The following MINDY3 variants were observed in gnomAD, a reference collection of about 807,000 sequenced individuals.
The protein encoded by MINDY3 is MINDY lysine 48 deubiquitinase 3.
A neutral mutation model predicts 69.2 loss-of-function variants in MINDY3; 38 were observed. That is an observed-to-expected ratio of 0.55 (90% CI 0.42 to 0.72). MINDY3 has a LOEUF of 0.72. Ranked by LOEUF, MINDY3 falls within the 30% of genes least tolerant of loss-of-function variation. MINDY3 has a pLI of 0.00. For synonymous variants in MINDY3, 192 were observed against 180.1 expected, an observed-to-expected ratio of 1.07 and a Z score of -0.53; for missense variants, 522 against 519.0, an observed-to-expected ratio of 1.01 and a Z score of -0.06.
At chr10:15,793,595 C>T (rs1837581930) in intron 11 of MINDY3, among the ~76,000 whole-genome samples, 1 of 151,978 alleles carries the variant, frequency 6.6e-6, no homozygotes, top group Admixed American at 6.6e-5. Context: ...CTTTTTATGA[C>T]TTTAGCCTTT....
intron 10 of MINDY3, among the ~76,000 whole-genome samples, chr10:15,796,970 T>G (rs183152676): frequency 6.6e-6 from 1 of 152,114 alleles, no homozygotes; most frequent in African/African-American, 2.4e-5. Flanking sequence ...TTGCCTATAA[T>G]GGTGTTTACT....
At chr10:15,798,861 ATC>A (rs1301363976) in intron 10 of MINDY3, among the ~76,000 whole-genome samples, 14 of 152,236 alleles carry the variant, frequency 9.2e-5, no homozygotes, top group African/African-American at 2.6e-4. Flanking sequence ...TATACCACAC[ATC>A]TCTTTCTTGC....
At chr10:15,812,104 G>A (rs1046825399) in intron 10 of MINDY3, among the ~76,000 whole-genome samples, 1 of 151,910 alleles carries the variant, frequency 6.6e-6, no homozygotes, top group African/African-American at 2.4e-5. Flanking sequence ...ACCACGCCTG[G>A]GTAATTTTTG....
chr10:15,834,535 T>C lies in MINDY3; in HGVS notation c.650+8A>G. On this transcript the variant is annotated splice_region_variant and intron_variant, in intron 7 of 14. Transcript: ENST00000277632. ...CACATGAGGAGACAAGAGATTTTAG[T>C]TAATTACCTGCCATGTCCATATACA... The C allele has an allele frequency of 6.3e-7, 1 of 1,599,402 alleles. No individual in the cohort carries two copies.
intron 10 of MINDY3, among the ~76,000 whole-genome samples, chr10:15,803,525 G>A (rs1408918443): frequency 2.0e-5 from 3 of 152,076 alleles, no homozygotes; most frequent in Non-Finnish European, 2.9e-5. Context: ...TTATAAATGT[G>A]AAGAGGAGGA....
At chr10:15,785,452 T>C (rs982203115) in intron 13 of MINDY3, among the ~76,000 whole-genome samples, 1 of 152,192 alleles carries the variant, frequency 6.6e-6, no homozygotes, top group Non-Finnish European at 1.5e-5. Context: ...AGAATCAACA[T>C]TTCTATCAAA....
chr10:15,854,824 A>G (rs1017049138), intron 1 of MINDY3, among the ~76,000 whole-genome samples: 1 of 152,038 alleles, frequency 6.6e-6, no homozygotes, highest in African/African-American at 2.4e-5. Flanking sequence ...GAGAAGATAC[A>G]TGTAACAAAT....
chr10:15,781,817 T>A (rs1836554005), intron 14 of MINDY3, among the ~76,000 whole-genome samples: 1 of 152,226 alleles, frequency 6.6e-6, no homozygotes. Context: ...GTCTCACTGT[T>A]ACCTCTTTCT....
chr10:15,827,049 A>G (rs1057100675), intron 8 of MINDY3, among the ~76,000 whole-genome samples: 3 of 151,870 alleles, frequency 2.0e-5, no homozygotes, highest in African/African-American at 7.3e-5. Context: ...GAGCCCATTT[A>G]GAGGCTGCAG....
chr10:15,779,111 T>C lies in MINDY3; in HGVS notation c.1219A>G (p.Met407Val). The part of the protein sequence containing the change: ...VMYVEGTAVV[M>V]GFEDPMLQTD... ...TGTAGCATGGGATCTTCAAAACCCA[T>C]CACAACTGCAGTCCCTTCTACGTAC... Residue 407 changes from methionine (M) to valine (V), a missense_variant, in exon 15 of 15, where the codon ATG (methionine) becomes GTG (valine). Met to Val is a conservative substitution (Grantham distance 21). Transcript: ENST00000277632. The C allele has an allele frequency of 1.2e-6, 2 of 1,613,576 alleles. No individual in the cohort carries two copies. The highest frequency in any genetic ancestry group is 1.1e-5 in the South Asian group (1 of 91,054).
At chr10:15,858,508 C>A (rs548706401) in intron 1 of MINDY3, among the ~76,000 whole-genome samples, 2 of 152,262 alleles carry the variant, frequency 1.3e-5, no homozygotes, top group South Asian at 4.1e-4. Flanking sequence ...GTTCACTATA[C>A]GTCAGATAGT....
chr10:15,834,174 G>A (rs1006386979), intron 7 of MINDY3, among the ~76,000 whole-genome samples: 1 of 151,840 alleles, frequency 6.6e-6, no homozygotes, highest in African/African-American at 2.4e-5. Flanking sequence ...CTTGAGGAGG[G>A]TGGTCCGAGA....
intron 13 of MINDY3, among the ~76,000 whole-genome samples, chr10:15,783,788 T>C (rs548420525): frequency 1.3e-5 from 2 of 152,300 alleles, no homozygotes; most frequent in African/African-American, 2.4e-5. Flanking sequence ...ACAGGAGTCA[T>C]TGCAATTAGT....
intron 12 of MINDY3, among the ~76,000 whole-genome samples, chr10:15,787,775 G>T (rs1475839994): frequency 6.6e-6 from 1 of 152,116 alleles, no homozygotes; most frequent in Non-Finnish European, 1.5e-5. Flanking sequence ...CTGTACAAAG[G>T]ATATGGCATT....
chr10:15,803,846 A>C (rs934088982), intron 10 of MINDY3, among the ~76,000 whole-genome samples: 1 of 151,986 alleles, frequency 6.6e-6, no homozygotes, highest in African/African-American at 2.4e-5. Context: ...CACACAAAAA[A>C]CCCCACGAAT....
chr10:15,783,180 C>T (rs1185862493), intron 13 of MINDY3, among the ~76,000 whole-genome samples: 1 of 152,080 alleles, frequency 6.6e-6, no homozygotes, highest in East Asian at 1.9e-4. Context: ...AGGTGGAGAC[C>T]TCCCAGTGCT....
At chr10:15,836,742 G>T (rs1481045581) in intron 6 of MINDY3, among the ~76,000 whole-genome samples, 1 of 150,102 alleles carries the variant, frequency 6.7e-6, no homozygotes, top group African/African-American at 2.5e-5. Flanking sequence ...AAATTTAGAG[G>T]AGGAGAGAAA....
intron 3 of MINDY3, 60 bp from the exon 4 acceptor site, chr10:15,841,659 A>G: frequency 9.1e-7 from 1 of 1,102,844 alleles, no homozygotes; most frequent in Non-Finnish European, 1.3e-6. Context: ...AAATTCTGTC[A>G]TGAATAACAA....
chr10:15,804,808 G>C (rs1032198316), intron 10 of MINDY3, among the ~76,000 whole-genome samples: 3 of 152,118 alleles, frequency 2.0e-5, no homozygotes, highest in African/African-American at 7.2e-5. Flanking sequence ...GTGGCAGCAA[G>C]ATTAACAGAA....
Sources: gnomAD v4.1 joint callset for allele counts (sites outside exome capture counted in the v4.1 genomes callset) on GRCh38, gnomAD v4.1.1 for gene constraint, MANE v1.5 for transcripts, NCBI Gene and HGNC (gene_info 2026-07-23, HGNC 2026-07-21) for gene names.